Variants in OSR2 observed in about 807,000 individuals in gnomAD.
OSR2 encodes odd-skipped related transciption factor 2.
Under a neutral mutation model 22.3 loss-of-function variants are expected in OSR2, and 8 were observed. The observed-to-expected ratio is 0.36, with a 90% CI of 0.21 to 0.65. The LOEUF (loss-of-function observed/expected upper bound fraction) is 0.65. Among genes scored for constraint, OSR2 ranks in the 30% least tolerant of loss-of-function variants. The pLI is 0.66. For synonymous variants in OSR2, 179 were observed against 173.8 expected (o/e 1.03, Z -0.23); for missense variants, 311 against 413.4 (o/e 0.75, Z 2.15).
intron 1 of OSR2, among the ~76,000 whole-genome samples, chr8:98,945,473 T>A (rs1450609070): frequency 1.3e-5 from 2 of 152,230 alleles, no homozygotes; most frequent in Non-Finnish European, 2.9e-5. Context: ...GCCCCGGATC[T>A]GTCTTCCTAC....
chr8:98,951,098 C>T, intron 3 of OSR2: 1 of 508,872 alleles, frequency 2.0e-6, no homozygotes, highest in Non-Finnish European at 3.4e-6. Flanking sequence ...CGTTCTCTTT[C>T]CCAAGGGCCT....
chr8:98,945,600 G>C (rs1455904364), intron 1 of OSR2, among the ~76,000 whole-genome samples: 1 of 152,140 alleles, frequency 6.6e-6, no homozygotes, highest in Non-Finnish European at 1.5e-5. Context: ...ACTCACGCAG[G>C]GGGAGCAAGG....
At chr8:98,945,573 G>A (rs1404596689) in intron 1 of OSR2, among the ~76,000 whole-genome samples, 1 of 152,152 alleles carries the variant, frequency 6.6e-6, no homozygotes, top group African/African-American at 2.4e-5. Context: ...TGCAGTCCTG[G>A]GCAGAACAAG....
chr8:98,947,191 A>C (rs1840632720), intron 1 of OSR2, among the ~76,000 whole-genome samples: 1 of 151,484 alleles, frequency 6.6e-6, no homozygotes, highest in Non-Finnish European at 1.5e-5. Context: ...TCTTAGCCTG[A>C]ACTCCCAGAC....
chr8:98,950,856 A>T (rs1420067989), intron 3 of OSR2, 101 bp downstream of exon 3: 1 of 768,710 alleles, frequency 1.3e-6, no homozygotes, highest in South Asian at 1.5e-5. Context: ...AAAAGGCTCT[A>T]TTTAGATTAG....
intron 1 of OSR2, chr8:98,946,312 A>C (rs1190298390): frequency 6.6e-6 from 1 of 152,250 alleles, no homozygotes; most frequent in African/African-American, 2.4e-5. Context: ...TACAAGGCTC[A>C]GCTCTAGACA....
At position 98,951,646 on chromosome 8, in the gene OSR2, G is replaced by A; in HGVS notation, c.884G>A (p.Arg295Gln). 4.3e-6 allele frequency: 7 copies of A among 1,613,920 alleles called. No individual in the cohort carries two copies. The highest frequency in any genetic ancestry group is 5.1e-6 in the Non-Finnish European group (6 of 1,179,866). Residue 295 changes from arginine (R) to glutamine (Q), a missense_variant, in exon 4 of 4, where the codon CGA (arginine) becomes CAA (glutamine). Physicochemically the swap from Arg to Gln is conservative, Grantham distance 43. Around this residue, in one of 5 missense-constraint regions of OSR2, gnomAD observed 70 missense variants for 84.5 expected, o/e 0.83. Coordinates refer to ENST00000297565, the MANE Select transcript of OSR2 (RefSeq NM_001142462.3). ...SCEQCGKVFRRNCDLRRHSLT... is the reference protein window; with the variant it reads ...SCEQCGKVFRQNCDLRRHSLT... ...GAGCAGTGCGGCAAAGTGTTCAGGCGAAACTGTGATCTGCGGCGGCACAGC... is the reference window on the plus strand; with the variant it reads ...GAGCAGTGCGGCAAAGTGTTCAGGCAAAACTGTGATCTGCGGCGGCACAGC...
At position 98,948,342 on chromosome 8, in the gene OSR2, G is replaced by GGCA; in HGVS notation, c.-114-494_-114-492dup. On this transcript the variant is annotated intron_variant, in intron 1 of 3. Coordinates refer to ENST00000297565, the MANE Select transcript of OSR2 (RefSeq NM_001142462.3). This position sits in a 1 kb window ranked among gnomAD's most constrained non-coding sequence, Gnocchi z 6.0. ...GGGAAAGGCGGCCACAGGGCGCGGC[G>GGCA]GCAGCGCAGCGCGTGGGATCTCACG... The GGCA allele has an allele frequency of 6.6e-7, 1 of 1,522,538 alleles. No individual in the cohort carries two copies. The highest frequency in any genetic ancestry group is 8.8e-7 in the Non-Finnish European group (1 of 1,139,050). The allele number at this position is 1,522,538 out of a possible 1,614,324, so 94.3% of individuals were successfully genotyped here. A position where few individuals can be genotyped will look rare whatever the true frequency, so the allele number is the denominator to read the frequency against.
In OSR2 at chr8:98,948,021, C is replaced by T. The variant is rs1327187326; in HGVS notation, c.-114-818C>T. 1.3e-5 allele frequency among the ~76,000 whole-genome samples: 2 copies of T among 152,176 alleles called. No individual in the cohort carries two copies. Among genetic ancestry groups the T allele is most frequent in the African/African-American group, 4.8e-5 (2 of 41,438 alleles). ...CTGGCCTCAGGGACGTTCTCCGCCC[C>T]CACCCCACCCCCTGGGAGCCTGAAC... On this transcript the variant is annotated intron_variant, in intron 1 of 3. Transcript: ENST00000297565. This position sits in a 1 kb window ranked among gnomAD's most constrained non-coding sequence, Gnocchi z 6.0.
In OSR2 at chr8:98,949,216, G is replaced by A. The variant is rs750638618; in HGVS notation, c.264G>A (p.Leu88=). ...LVDARFPFPA[L]PFTTHLFHPK... ...ACGCGCGCTTCCCCTTCCCGGCCCT[G>A]CCTTTTACCACCCACCTATTCCACC... Residue 88 remains leucine, a synonymous_variant, in exon 2 of 4, where the codon CTG becomes CTA. Coordinates refer to ENST00000297565, the MANE Select transcript of OSR2 (RefSeq NM_001142462.3). This position sits in a 1 kb window ranked among gnomAD's most constrained non-coding sequence, Gnocchi z 5.9. 1.5e-5 allele frequency: 24 copies of A among 1,591,158 alleles called. No homozygotes were observed. In the East Asian group the frequency reaches 5.4e-4, roughly 36 times the overall value.
Position 98,948,887 on chromosome 8 carries a change from C to G in OSR2, c.-66C>G, listed in dbSNP as rs1331590766. On this transcript the variant is annotated 5_prime_UTR_variant, in exon 2 of 4. Transcript: ENST00000297565. The surrounding 1 kb of genome is among the most constrained non-coding windows in gnomAD (Gnocchi z 6.0). ...TCACTGGGTTTTTGTCGGAGCCCCACGCCCTCCGGCCTCTGATTCCTGGAA... is the reference window on the plus strand; with the variant it reads ...TCACTGGGTTTTTGTCGGAGCCCCAGGCCCTCCGGCCTCTGATTCCTGGAA... 1 of 1,612,732 alleles carries G rather than the reference C, an allele frequency of 6.2e-7. No individual in the cohort carries two copies. The highest frequency in any genetic ancestry group is 8.5e-7 in the Non-Finnish European group (1 of 1,179,746).
At chr8:98,951,132 T>C (rs1344707165) in intron 3 of OSR2, 9 of 473,358 alleles carry the variant, frequency 1.9e-5, no homozygotes, top group Admixed American at 3.9e-5. Flanking sequence ...TTTCAGGACA[T>C]TGAGGAATAG....
In OSR2 at chr8:98,948,807, C is replaced by T. The variant is rs1329363169; in HGVS notation, c.-114-32C>T. On this transcript the variant is annotated intron_variant, in intron 1 of 3. Transcript: ENST00000297565. The surrounding 1 kb of genome is among the most constrained non-coding windows in gnomAD (Gnocchi z 6.0). ...AAGGAGCAGCCTTGGATTATAGTCA[C>T]GGTCTCTCCCTCTCTTCCCTGCCAT... 3 of 1,518,542 alleles carry T rather than the reference C, an allele frequency of 2.0e-6. No homozygotes were observed. Among genetic ancestry groups the T allele is most frequent in the African/African-American group, 2.8e-5 (2 of 72,574 alleles). The allele number at this position is 1,518,542 out of a possible 1,614,324, so 94.1% of individuals were successfully genotyped here.
At position 98,948,291 on chromosome 8, in the gene OSR2, C is replaced by T. The variant is rs946820098; in HGVS notation, c.-114-548C>T. On this transcript the variant is annotated intron_variant, in intron 1 of 3. Transcript: ENST00000297565. This position sits in a 1 kb window ranked among gnomAD's most constrained non-coding sequence, Gnocchi z 6.0. ...GAAGCGCGCCGGCTTCGCTCTTGCA[C>T]GCCGGCTTGCCATCCGGGTAAGCGC... 2.2e-5 allele frequency: 33 copies of T among 1,522,644 alleles called. No individual in the cohort carries two copies. Among genetic ancestry groups the T allele is most frequent in the African/African-American group, 4.1e-5 (3 of 72,522 alleles). 94.3% of individuals were successfully genotyped at this position (1,522,644 alleles called of 1,614,324 possible). A position where few individuals can be genotyped will look rare whatever the true frequency, so the allele number is the denominator to read the frequency against.
chr8:98,948,938 C>T lies in OSR2; in HGVS notation c.-15C>T. The T allele has an allele frequency of 6.2e-7, 1 of 1,613,904 alleles. No individual in the cohort carries two copies. The highest frequency in any genetic ancestry group is 1.3e-5 in the African/African-American group (1 of 75,072). ...GAAAGGGTTGGTCCCCTCAGCACCC[C>T]CAGCATCCCGGAAAATGGGGAGCAA... is the stretch of plus-strand genomic sequence containing the variant. On this transcript the variant is annotated 5_prime_UTR_variant, in exon 2 of 4. Coordinates refer to ENST00000297565, the MANE Select transcript of OSR2 (RefSeq NM_001142462.3). This position sits in a 1 kb window ranked among gnomAD's most constrained non-coding sequence, Gnocchi z 6.0.
rs767688551 is a variant in OSR2 at position 98,949,615 on chromosome 8, C to T, written c.656+7C>T. On this transcript the variant is annotated splice_region_variant and intron_variant, in intron 2 of 3. Transcript: ENST00000297565. The surrounding 1 kb of genome is among the most constrained non-coding windows in gnomAD (Gnocchi z 5.9). ...ATCACCTGCGGGATCACAGGTGAGG[C>T]GGGCAAGGAGGATGGCTGGGAGAGG... The T allele has an allele frequency of 2.0e-5, 32 of 1,602,360 alleles. No homozygotes were observed. The highest frequency in any genetic ancestry group is 2.7e-5 in the Non-Finnish European group (32 of 1,172,598).
intron 1 of OSR2, among the ~76,000 whole-genome samples, chr8:98,947,247 G>A (rs567407139): frequency 4.5e-4 from 68 of 151,934 alleles, no homozygotes; most frequent in African/African-American, 1.6e-3. Context: ...TCTCTGTCCC[G>A]AGCCCTTCCA....
rs535058558 is a variant in OSR2 at position 98,949,409 on chromosome 8, T to C, written c.457T>C (p.Leu153=). 8 of 1,613,938 alleles carry C rather than the reference T, an allele frequency of 5.0e-6. No homozygotes were observed. In the Admixed American group the frequency reaches 1.2e-4, roughly 24 times the overall value. The part of the protein sequence containing the change: ...LGSPISGLSK[L]TPDRKPSRGR... ...TAGCCCCATCTCGGGCCTCAGTAAA[T>C]TGACTCCGGACAGAAAGCCCTCTCG... is the stretch of plus-strand genomic sequence containing the variant. The change falls in exon 2 of 4, where the codon TTG becomes CTG. Residue 153 remains leucine (L), a synonymous_variant. Coordinates refer to ENST00000297565, the MANE Select transcript of OSR2 (RefSeq NM_001142462.3). This position sits in a 1 kb window ranked among gnomAD's most constrained non-coding sequence, Gnocchi z 5.9.
intron 2 of OSR2, among the ~76,000 whole-genome samples, chr8:98,950,425 G>T (rs1252689343): frequency 1.3e-5 from 2 of 152,050 alleles, no homozygotes; most frequent in Non-Finnish European, 2.9e-5. Context: ...TCCAGAATAC[G>T]CCAGAGAGGG....
Sources: gnomAD v4.1 joint callset for allele counts (sites outside exome capture counted in the v4.1 genomes callset) on GRCh38, gnomAD v4.1.1 for gene constraint, gnomAD v4.1.1 regional missense constraint, Gnocchi (gnomAD v3.1) non-coding constraint, MANE v1.5 for transcripts, NCBI Gene and HGNC (gene_info 2026-07-23, HGNC 2026-07-21) for gene names.